TOX3: variants seen among roughly 807,000 people sequenced by gnomAD.
The protein encoded by TOX3 is CAG trinucleotide repeat-containing gene F9 protein.
TOX3 carries 22 observed loss-of-function variants against 64.3 expected under a neutral mutation model. The observed-to-expected ratio is 0.34, with a 90% CI of 0.24 to 0.49. The LOEUF is 0.49. TOX3 is among the 20% of genes least tolerant of loss of function. The pLI is 0.99. For synonymous variants in TOX3, 291 were observed against 273.6 expected, an observed-to-expected ratio of 1.06 and a Z score of -0.63; for missense variants, 661 against 714.4, an observed-to-expected ratio of 0.93 and a Z score of 0.85.
At chr16:52,536,792 A>G (rs955306280) in intron 1 of TOX3, among the ~76,000 whole-genome samples, 1 of 150,202 alleles carries the variant, frequency 6.7e-6, no homozygotes, top group South Asian at 2.1e-4. Context: ...GACATTTTTA[A>G]GAGTCAAGGT....
intron 1 of TOX3, among the ~76,000 whole-genome samples, chr16:52,499,770 T>C (rs1053719998): frequency 6.6e-6 from 1 of 152,248 alleles, no homozygotes; most frequent in African/African-American, 2.4e-5. Context: ...AACACATACC[T>C]GCCTAGGCAG....
intron 3 of TOX3, among the ~76,000 whole-genome samples, chr16:52,455,321 T>C (rs1043849440): frequency 6.6e-6 from 1 of 152,066 alleles, no homozygotes; most frequent in Non-Finnish European, 1.5e-5. Flanking sequence ...CTGTACATTA[T>C]AGAATATTTA....
chr16:52,541,878 A>G (rs889931716), intron 1 of TOX3, among the ~76,000 whole-genome samples: 1 of 152,192 alleles, frequency 6.6e-6, no homozygotes, highest in Admixed American at 6.5e-5. Flanking sequence ...TACACCACAC[A>G]CTTAGAACTG....
At chr16:52,482,182 A>G (rs1012431286) in intron 1 of TOX3, among the ~76,000 whole-genome samples, 5 of 152,178 alleles carry the variant, frequency 3.3e-5, no homozygotes, top group African/African-American at 1.2e-4. Context: ...TGTAAATTTC[A>G]ATCGGGCGTT....
chr16:52,542,296 T>G (rs983667969), intron 1 of TOX3, among the ~76,000 whole-genome samples: 3 of 152,216 alleles, frequency 2.0e-5, no homozygotes, highest in Non-Finnish European at 2.9e-5. Context: ...GTCCACATAG[T>G]TGCATGTAAA....
intron 2 of TOX3, among the ~76,000 whole-genome samples, chr16:52,465,130 TCAGCCTCTCGAGTAGCTGGGACTA>T (rs1276314621): frequency 2.1e-5 from 3 of 145,862 alleles, no homozygotes; most frequent in Non-Finnish European, 4.5e-5. Context: ...TTCTCCTGCC[TCAGCCTCTCGAGTAGCTGGGACTA>T]CAGGCGCCCG....
At chr16:52,524,607 C>A (rs562183294) in intron 1 of TOX3, among the ~76,000 whole-genome samples, 2 of 152,138 alleles carry the variant, frequency 1.3e-5, no homozygotes, top group South Asian at 4.1e-4. Context: ...CTGAAAGGGA[C>A]TCACTCTTGT....
intron 1 of TOX3, among the ~76,000 whole-genome samples, chr16:52,481,478 A>G (rs1961367036): frequency 6.6e-6 from 1 of 152,224 alleles, no homozygotes; most frequent in African/African-American, 2.4e-5. Context: ...TATTTGATAA[A>G]CCAAATACCT....
Position 52,439,977 on chromosome 16 carries a change from T to TG in TOX3, c.988-10dup. 2 of 1,528,550 alleles carry TG rather than the reference T, an allele frequency of 1.3e-6. No homozygotes were observed. Among genetic ancestry groups the TG allele is most frequent in the Non-Finnish European group, 1.8e-6 (2 of 1,139,846 alleles). 94.7% of individuals were successfully genotyped at this position (1,528,550 alleles called of 1,614,324 possible). A position where few individuals can be genotyped will look rare whatever the true frequency, so the allele number is the denominator to read the frequency against. On this transcript the variant is annotated splice_polypyrimidine_tract_variant and intron_variant, in intron 6 of 6. Transcript: ENST00000219746. ...GCTGACTCAGCAGCAGCCTGCATTT[T>TG]GGGGGAGAAAATTCCAGACTGTTAC...
At chr16:52,493,922 C>T (rs1444943253) in intron 1 of TOX3, among the ~76,000 whole-genome samples, 1 of 152,172 alleles carries the variant, frequency 6.6e-6, no homozygotes, top group Non-Finnish European at 1.5e-5. Flanking sequence ...TCCCTGTGGG[C>T]ACATGCTCTT....
chr16:52,462,423 C>T (rs1960718335), intron 3 of TOX3, among the ~76,000 whole-genome samples: 2 of 152,024 alleles, frequency 1.3e-5, no homozygotes, highest in Non-Finnish European at 2.9e-5. Flanking sequence ...CTCCTTTACA[C>T]TTTTTTATGG....
chr16:52,501,858 G>C (rs560818216), intron 1 of TOX3, among the ~76,000 whole-genome samples: 74 of 152,272 alleles, frequency 4.9e-4, no homozygotes, highest in South Asian at 8.3e-4. Context: ...ATGTCAACAA[G>C]TAAAGTTCCT....
chr16:52,441,793 C>T (rs1959997984), intron 6 of TOX3, among the ~76,000 whole-genome samples: 1 of 152,160 alleles, frequency 6.6e-6, no homozygotes, highest in Non-Finnish European at 1.5e-5. Context: ...TCTGTTTGAA[C>T]ACATGTCATC....
intron 6 of TOX3, among the ~76,000 whole-genome samples, chr16:52,440,349 C>A (rs1328361250): frequency 1.3e-5 from 2 of 152,140 alleles, no homozygotes; most frequent in Admixed American, 1.3e-4. Context: ...TGAGTCCAGC[C>A]CCCTCCAACA....
chr16:52,450,604 T>A (rs188960518), intron 3 of TOX3, 58 bp from the exon 4 acceptor site: 11 of 1,602,472 alleles, frequency 6.9e-6, no homozygotes, highest in Non-Finnish European at 9.4e-6. Flanking sequence ...ATCAGTGAAC[T>A]TATCAGGTTA....
At chr16:52,485,246 G>GCATATATATATATATA in intron 1 of TOX3, among the ~76,000 whole-genome samples, 1 of 127,868 alleles carries the variant, frequency 7.8e-6, no homozygotes, top group African/African-American at 3.4e-5. Flanking sequence ...ATGTGTGTGT[G>GCATATATATATATATA]TATATATATA....
chr16:52,499,568 T>C (rs1241925509), intron 1 of TOX3, among the ~76,000 whole-genome samples: 2 of 152,180 alleles, frequency 1.3e-5, no homozygotes, highest in African/African-American at 4.8e-5. Flanking sequence ...GAAACAAAAT[T>C]GCCTGAGGTC....
At chr16:52,496,387 A>G (rs537819945) in intron 1 of TOX3, among the ~76,000 whole-genome samples, 40 of 152,226 alleles carry the variant, frequency 2.6e-4, no homozygotes, top group Middle Eastern at 3.2e-3. Context: ...AACTGTTATG[A>G]AAGATGTCTT....
intron 1 of TOX3, among the ~76,000 whole-genome samples, chr16:52,472,265 T>G (rs1450211866): frequency 6.6e-6 from 1 of 152,170 alleles, no homozygotes; most frequent in Non-Finnish European, 1.5e-5. Flanking sequence ...TGACGAATTT[T>G]CTACTTGGAT....
Sources: gnomAD v4.1 joint callset for allele counts (sites outside exome capture counted in the v4.1 genomes callset) on GRCh38, gnomAD v4.1.1 for gene constraint, MANE v1.5 for transcripts, NCBI Gene and HGNC (gene_info 2026-07-23, HGNC 2026-07-21) for gene names.